NIBAN2: variants seen among roughly 807,000 people sequenced by gnomAD.
NIBAN2 encodes protein Niban 2.
NIBAN2 carries 36 observed loss-of-function variants against 81.8 expected under a neutral mutation model. The observed-to-expected ratio is 0.44, with a 90% CI of 0.34 to 0.58. The LOEUF is 0.58. Ranked by LOEUF, NIBAN2 falls within the 20% of genes least tolerant of loss-of-function variation. NIBAN2 has a pLI of 0.02. For missense variants in NIBAN2, 897 were observed against 1,014.1 expected (o/e 0.88, Z 1.57); for synonymous variants, 445 against 441.6 (o/e 1.01, Z -0.10).
Position 127,517,773 on chromosome 9 carries a change from G to T in NIBAN2, c.705+53C>A. 7.2e-7 allele frequency: 1 copy of T among 1,393,784 alleles called. No individual in the cohort carries two copies. The allele number at this position is 1,393,784 out of a possible 1,614,324, so 86.3% of individuals were successfully genotyped here. ...TGTACCCCACCCCCTGCCCTCCCCTGCTGGGTCCTTGGGTGACTTCTGAGG... is the reference window on the plus strand; with the variant it reads ...TGTACCCCACCCCCTGCCCTCCCCTTCTGGGTCCTTGGGTGACTTCTGAGG... On this transcript the variant is annotated intron_variant, in intron 6 of 13. Transcript: ENST00000373312. This position sits in a 1 kb window ranked among gnomAD's most constrained non-coding sequence, Gnocchi z 4.0.
chr9:127,512,525 G>T (rs1249147076), intron 8 of NIBAN2, among the ~76,000 whole-genome samples: 2 of 152,156 alleles, frequency 1.3e-5, no homozygotes, highest in Non-Finnish European at 2.9e-5. Context: ...GACCTCAAGT[G>T]ATCCACCCGC....
At chr9:127,542,677 T>C (rs1212792761) in intron 1 of NIBAN2, among the ~76,000 whole-genome samples, 1 of 152,166 alleles carries the variant, frequency 6.6e-6, no homozygotes, top group Non-Finnish European at 1.5e-5. Context: ...TGGCCTCAGG[T>C]GCCCTGAAGG....
At chr9:127,531,600 A>G (rs769036213) in intron 2 of NIBAN2, 48 bp downstream of exon 2, 1 of 1,585,718 alleles carries the variant, frequency 6.3e-7, no homozygotes, top group Non-Finnish European at 8.6e-7. Flanking sequence ...CCGAGGCCAC[A>G]TGGCGAGAAG....
chr9:127,524,847 C>G (rs1049203336), intron 4 of NIBAN2: 2 of 532,234 alleles, frequency 3.8e-6, no homozygotes, highest in Non-Finnish European at 6.7e-6. Context: ...CACAGGTTTA[C>G]GAGGGAAGGT....
At chr9:127,556,371 A>G (rs1474198715) in intron 1 of NIBAN2, among the ~76,000 whole-genome samples, 2 of 150,932 alleles carry the variant, frequency 1.3e-5, no homozygotes, top group Admixed American at 6.6e-5. Context: ...CACCAACCAC[A>G]CACACACACA....
intron 1 of NIBAN2, among the ~76,000 whole-genome samples, chr9:127,553,169 T>C (rs1837609085): frequency 6.6e-6 from 1 of 152,242 alleles, no homozygotes; most frequent in South Asian, 2.1e-4. Context: ...CTTTGACCAC[T>C]AGCTATTGCT....
chr9:127,568,578 G>A (rs1363800124), intron 1 of NIBAN2, among the ~76,000 whole-genome samples: 2 of 151,960 alleles, frequency 1.3e-5, no homozygotes, highest in South Asian at 2.1e-4. Flanking sequence ...AGGGGTTCCG[G>A]GAGAGAAGGA....
chr9:127,519,263 T>TTGGTGCTG (rs1367356157), intron 5 of NIBAN2, among the ~76,000 whole-genome samples: 1 of 151,808 alleles, frequency 6.6e-6, no homozygotes, highest in East Asian at 1.9e-4. Flanking sequence ...TTTGTCACTG[T>TTGGTGCTG]TGGTGCTGTC....
intron 1 of NIBAN2, among the ~76,000 whole-genome samples, chr9:127,535,131 G>T (rs937552348): frequency 6.6e-6 from 1 of 152,208 alleles, no homozygotes; most frequent in East Asian, 1.9e-4. Context: ...TCCTTTGGCC[G>T]TGGCTCCAGG....
chr9:127,523,991 G>A (rs1004068475), intron 4 of NIBAN2, 145 bp from the exon 5 acceptor site: 50 of 816,722 alleles, frequency 6.1e-5, no homozygotes, highest in African/African-American at 1.0e-4. Context: ...CCAGCAAGCC[G>A]GCGGGGGTGG....
rs780304212 is a variant in NIBAN2 at position 127,545,762 on chromosome 9, C to T, written c.56-13984G>A. Among the ~76,000 whole-genome samples the T allele has an allele frequency of 2.0e-5, 3 of 152,194 alleles. No homozygotes were observed. The highest frequency in any genetic ancestry group is 4.4e-5 in the Non-Finnish European group (3 of 68,026). On this transcript the variant is annotated intron_variant, in intron 1 of 13. Transcript: ENST00000373312. This position sits in a 1 kb window ranked among gnomAD's most constrained non-coding sequence, Gnocchi z 4.7. ...ACCCAAAAAAACGGGTGACCCAAAA[C>T]CCGCCCACTGGGGCTGCCCTTTCCT...
chr9:127,573,306 TTTG>T (rs1837969357), upstream of NIBAN2, among the ~76,000 whole-genome samples: 1 of 151,426 alleles, frequency 6.6e-6, no homozygotes, highest in Non-Finnish European at 1.5e-5. Context: ...CAGAACAGAA[TTTG>T]TTGTTTTTTT....
intron 8 of NIBAN2, among the ~76,000 whole-genome samples, chr9:127,512,107 G>A (rs1252660839): frequency 6.6e-6 from 1 of 152,108 alleles, no homozygotes; most frequent in Non-Finnish European, 1.5e-5. Flanking sequence ...TCACCCCTCC[G>A]CTCACTGAGA....
intron 1 of NIBAN2, among the ~76,000 whole-genome samples, chr9:127,541,509 T>C (rs1444921348): frequency 1.3e-5 from 2 of 152,180 alleles, no homozygotes; most frequent in Non-Finnish European, 2.9e-5. Context: ...CATCTCACCC[T>C]GGCCTCCGCA....
chr9:127,564,682 G>A (rs1837828087), intron 1 of NIBAN2, among the ~76,000 whole-genome samples: 1 of 152,100 alleles, frequency 6.6e-6, no homozygotes, highest in African/African-American at 2.4e-5. Context: ...AGACCAGCCT[G>A]GCCAACATGG....
At chr9:127,571,463 C>T (rs1029376042), upstream of NIBAN2, among the ~76,000 whole-genome samples, 3 of 152,028 alleles carry the variant, frequency 2.0e-5, no homozygotes, top group Non-Finnish European at 4.4e-5. Flanking sequence ...TTTGGGAGGC[C>T]GAGGCAGGCA....
chr9:127,525,059 T>C lies in NIBAN2; in HGVS notation c.420A>G (p.Pro140=). Residue 140 remains proline, a splice_region_variant and synonymous_variant, in exon 4 of 14, where the codon CCA becomes CCG. Coordinates refer to ENST00000373312, the MANE Select transcript of NIBAN2 (RefSeq NM_022833.4). The part of the protein sequence containing the change: ...QYLELIGNSL[P]GTTAKSGSAP... Reference sequence around the variant, plus strand: ...GGCCTGGGATGGGTGCTCCTTTACCTGGTAAGGAGTTGCCAATGAGCTCCA... The same window carrying C: ...GGCCTGGGATGGGTGCTCCTTTACCCGGTAAGGAGTTGCCAATGAGCTCCA... 1 of 1,609,412 alleles carries C rather than the reference T, an allele frequency of 6.2e-7. No individual in the cohort carries two copies. Among genetic ancestry groups the C allele is most frequent in the East Asian group, 2.2e-5 (1 of 44,872 alleles).
At chr9:127,565,944 T>TCA (rs1220466008) in intron 1 of NIBAN2, among the ~76,000 whole-genome samples, 26 of 110,428 alleles carry the variant, frequency 2.4e-4, no homozygotes, top group African/African-American at 7.1e-4. Context: ...TCTCTCTCTC[T>TCA]CTCACACACA....
At chr9:127,568,767 G>T in intron 1 of NIBAN2, 53 bp downstream of exon 1, 1 of 1,243,808 alleles carries the variant, frequency 8.0e-7, no homozygotes, top group Non-Finnish European at 1.0e-6. Flanking sequence ...CGGGGGCGTG[G>T]TCCGGGGGTT....
Sources: gnomAD v4.1 joint callset for allele counts (sites outside exome capture counted in the v4.1 genomes callset) on GRCh38, gnomAD v4.1.1 for gene constraint, Gnocchi (gnomAD v3.1) non-coding constraint, MANE v1.5 for transcripts, NCBI Gene and HGNC (gene_info 2026-07-23, HGNC 2026-07-21) for gene names.